FRY: variants seen among roughly 807,000 people sequenced by gnomAD.
FRY encodes the protein protein furry homolog.
A neutral mutation model predicts 348.4 loss-of-function variants in FRY; 128 were observed. The observed-to-expected ratio is 0.37, with a 90% CI of 0.32 to 0.43. The LOEUF is 0.43. Ranked by LOEUF, FRY falls within the 20% of genes least tolerant of loss-of-function variation. FRY has a pLI of 1.00. For missense variants in FRY, 2,736 were observed against 3,695.2 expected, an observed-to-expected ratio of 0.74 and a Z score of 6.73; for synonymous variants, 1,370 against 1,374.7, an observed-to-expected ratio of 1.00 and a Z score of 0.08.
At chr13:32,119,290 T>G (rs931753646) in intron 4 of FRY, among the ~76,000 whole-genome samples, 1 of 152,174 alleles carries the variant, frequency 6.6e-6, no homozygotes, top group African/African-American at 2.4e-5. Context: ...CATAAACTAC[T>G]GAAAATAGAT....
rs776247328 is a variant in FRY, at chr13:32,274,858, T to A, written c.8153T>A (p.Phe2718Tyr). 6.2e-7 allele frequency: 1 copy of A among 1,613,774 alleles called. No homozygotes were observed. The highest frequency in any genetic ancestry group is 8.5e-7 in the Non-Finnish European group (1 of 1,179,686). Residue 2718 changes from phenylalanine to tyrosine, a missense_variant, in exon 56 of 61, where the codon TTC becomes TAC. Phe to Tyr is a conservative substitution (Grantham distance 22). Coordinates refer to ENST00000542859, the MANE Select transcript of FRY (RefSeq NM_023037.3). ...GCCTTGCAGAATATTCAGAAAAGGT[T>A]CTGCTTCCTAACCTGTGATGCAGCC... ...SSLFKNIQKRFCFLTCDAASY... is the reference protein window; with the variant it reads ...SSLFKNIQKRYCFLTCDAASY...
In FRY at chr13:32,265,570, G is replaced by A. The variant is rs1887874734; in HGVS notation, c.7900G>A (p.Gly2634Arg). The A allele has an allele frequency of 6.2e-7, 1 of 1,614,098 alleles. No homozygotes were observed. The highest frequency in any genetic ancestry group is 1.7e-5 in the Admixed American group (1 of 60,008). The change falls in exon 54 of 61, where the codon GGG (glycine) becomes AGG (arginine). Residue 2634 changes from glycine (G) to arginine (R), a missense_variant. By Grantham distance (125) the Gly-to-Arg change is moderately radical (BLOSUM62 -2). Around this residue, in one of 9 missense-constraint regions of FRY, gnomAD observed 789 missense variants for 996.2 expected, o/e 0.79. Transcript: ENST00000542859. The part of the protein sequence containing the change: ...SDSFSLDMTE[G>R]EEKGNRALDQ... ...CAGCTTTAGCCTGGACATGACTGAGGGGGAAGAAAAAGGCAATCGGGCACT... is the reference window on the plus strand; with the variant it reads ...CAGCTTTAGCCTGGACATGACTGAGAGGGAAGAAAAAGGCAATCGGGCACT...
rs1342828430 is a variant in FRY, at chr13:32,284,220, G to A, written c.8470-5413G>A. Reference sequence around the variant, plus strand: ...ACTCAAGTACAATAATTTATATTTAGCCCTACTACATTTCATCTTCTTATA... The same window carrying A: ...ACTCAAGTACAATAATTTATATTTAACCCTACTACATTTCATCTTCTTATA... On this transcript the variant is annotated intron_variant, in intron 58 of 60. Coordinates refer to ENST00000542859, the MANE Select transcript of FRY (RefSeq NM_023037.3). Among the ~76,000 whole-genome samples the A allele has an allele frequency of 2.0e-5, 3 of 152,142 alleles. No individual in the cohort carries two copies. The East Asian group carries it at 5.8e-4, about 29-fold the overall frequency.
intron 35 of FRY, among the ~76,000 whole-genome samples, chr13:32,215,254 CA>C (rs1884924479): frequency 6.6e-6 from 1 of 151,978 alleles, no homozygotes; most frequent in African/African-American, 2.4e-5. Flanking sequence ...TGAAACATTT[CA>C]AAATAGCTAG....
At chr13:32,287,133 C>G (rs1356556625) in intron 58 of FRY, among the ~76,000 whole-genome samples, 1 of 150,720 alleles carries the variant, frequency 6.6e-6, no homozygotes, top group Non-Finnish European at 1.5e-5. Flanking sequence ...CCACTGTACT[C>G]CAGCCTGGGC....
rs1262404268 is a variant in FRY at position 32,077,682 on chromosome 13, A to G, written c.71-1152A>G. On this transcript the variant is annotated intron_variant, in intron 1 of 60. Coordinates refer to ENST00000542859, the MANE Select transcript of FRY (RefSeq NM_023037.3). The stretch of plus-strand genomic sequence containing the variant: ...TGGCTTGAGACAGAAAGAAGGCAAG[A>G]GAAGCCTTACATTTATTTGTAGTTA... 4.6e-5 allele frequency among the ~76,000 whole-genome samples: 7 copies of G among 152,350 alleles called. No homozygotes were observed. The East Asian group carries it at 1.3e-3, about 29-fold the overall frequency.
chr13:32,087,751 A>G (rs1034965933), intron 2 of FRY, among the ~76,000 whole-genome samples: 1 of 152,162 alleles, frequency 6.6e-6, no homozygotes, highest in Non-Finnish European at 1.5e-5. Context: ...GTGTGTGCAG[A>G]CTTCTAGATA....
chr13:32,261,239 ACCT>A (rs1887628786), intron 51 of FRY, among the ~76,000 whole-genome samples: 1 of 152,164 alleles, frequency 6.6e-6, no homozygotes, highest in African/African-American at 2.4e-5. Context: ...ACAGGGGCCG[ACCT>A]CAGGGTGGTG....
rs139088629 is a variant in FRY, at chr13:32,046,308, C to G, written c.70+14443C>G. 2.2e-4 allele frequency among the ~76,000 whole-genome samples: 34 copies of G among 152,246 alleles called. No homozygotes were observed. The East Asian group carries it at 5.0e-3, about 23-fold the overall frequency. ...CTGATTTATTCAGCTCTGTGTTTTC[C>G]TGAAGTTCTTGCTATTGACCCACGC... On this transcript the variant is annotated intron_variant, in intron 1 of 60. Coordinates refer to ENST00000542859, the MANE Select transcript of FRY (RefSeq NM_023037.3).
chr13:32,274,751 T>TA, intron 55 of FRY, 91 bp from the exon 56 acceptor site: 1 of 677,924 alleles, frequency 1.5e-6, no homozygotes, highest in Non-Finnish European at 2.5e-6. Flanking sequence ...AATTGGAATA[T>TA]AAAAAAAGAA....
chr13:32,261,468 G>A (rs772066040), intron 51 of FRY, 148 bp from the exon 52 acceptor site: 20 of 795,674 alleles, frequency 2.5e-5, no homozygotes, highest in Non-Finnish European at 3.6e-5. Context: ...TTCACATTGG[G>A]TAAACAAAAG....
chr13:32,046,621 G>A (rs1431835363), intron 1 of FRY, among the ~76,000 whole-genome samples: 2 of 152,302 alleles, frequency 1.3e-5, no homozygotes, highest in East Asian at 3.9e-4. Flanking sequence ...TGCAACACTG[G>A]TCACATGACA....
chr13:32,247,397 A>G lies in FRY; in HGVS notation c.6903A>G (p.Ser2301=), dbSNP rs1378321380. 25 of 1,612,928 alleles carry G rather than the reference A, an allele frequency of 1.5e-5. No homozygotes were observed. The highest frequency in any genetic ancestry group is 2.1e-5 in the Non-Finnish European group (25 of 1,179,016). The change falls in exon 48 of 61, where the codon TCA becomes TCG. Residue 2301 remains serine (S), a synonymous_variant. Coordinates refer to ENST00000542859, the MANE Select transcript of FRY (RefSeq NM_023037.3). ...VSRSASLVLP[S]YQHSDLSKIE... ...GGTCAGCCAGCCTTGTTTTACCTTC[A>G]TACCAGCACAGTGACCTCTCAAAAA...
rs202151755 is a variant in FRY at position 32,289,615 on chromosome 13, T to A, written c.8470-18T>A. On this transcript the variant is annotated intron_variant, in intron 58 of 60. Transcript: ENST00000542859. ...CTTTAACAATAACTGTTTCTTCCCA[T>A]GCAATTTCTCTCTTTAGCAATTGGA... 1.5e-6 allele frequency: 2 copies of A among 1,376,544 alleles called. No individual in the cohort carries two copies. The highest frequency in any genetic ancestry group is 2.1e-6 in the Non-Finnish European group (2 of 963,056). The allele number at this position is 1,376,544 out of a possible 1,614,324, so 85.3% of individuals were successfully genotyped here.
intron 2 of FRY, chr13:32,085,953 G>A (rs1198731847): frequency 1.9e-6 from 1 of 518,884 alleles, no homozygotes; most frequent in East Asian, 5.4e-5. Flanking sequence ...CTTAAGAGAA[G>A]ACAACACCCC....
intron 17 of FRY, among the ~76,000 whole-genome samples, chr13:32,165,296 C>G (rs1449874481): frequency 6.6e-6 from 1 of 152,226 alleles, no homozygotes; most frequent in Non-Finnish European, 1.5e-5. Context: ...ATTCTGCTTT[C>G]CCTTTTCCAC....
chr13:32,079,459 C>T (rs569590685), intron 2 of FRY, among the ~76,000 whole-genome samples: 55 of 152,094 alleles, frequency 3.6e-4, no homozygotes, highest in Non-Finnish European at 6.8e-4. Context: ...GTGTGGACTT[C>T]GAGTTTGAGA....
At chr13:32,100,613 G>A (rs1024028941) in intron 2 of FRY, among the ~76,000 whole-genome samples, 4 of 151,852 alleles carry the variant, frequency 2.6e-5, no homozygotes, top group Admixed American at 6.6e-5. Context: ...AATTTTTTTT[G>A]TGATGAGAAC....
chr13:32,085,424 A>C (rs889994641), intron 2 of FRY, among the ~76,000 whole-genome samples: 4 of 152,340 alleles, frequency 2.6e-5, no homozygotes, highest in Middle Eastern at 3.4e-3. Context: ...TCAAATGGAC[A>C]AAAGAGATAA....
Sources: allele counts gnomAD v4.1 joint callset (sites outside exome capture counted in the v4.1 genomes callset), GRCh38; gene constraint gnomAD v4.1.1; regional missense constraint gnomAD v4.1.1; transcripts MANE v1.5; gene names NCBI Gene and HGNC (gene_info 2026-07-23, HGNC 2026-07-21).